The following MYO9B variants were observed in gnomAD, a reference collection of about 807,000 sequenced individuals.
MYO9B encodes unconventional myosin-IXb.
In MYO9B, 71 loss-of-function variants were observed where a neutral mutation model predicts 229.5. The ratio of observed to expected loss-of-function variants is 0.31; its 90% CI spans 0.26 to 0.38. The LOEUF (loss-of-function observed/expected upper bound fraction) is 0.38, where lower values mean the gene tolerates loss of function less well. MYO9B is among the 10% of genes least tolerant of loss of function. The pLI, the probability that MYO9B is intolerant of heterozygous loss-of-function variation, is 1.00. For missense variants in MYO9B, 2,255 were observed against 2,920.5 expected (o/e 0.77, Z 5.25); for synonymous variants, 1,185 against 1,235.8 (o/e 0.96, Z 0.86).
chr19:17,092,535 G>A (rs1250381487), intron 1 of MYO9B, among the ~76,000 whole-genome samples: 1 of 152,136 alleles, frequency 6.6e-6, no homozygotes, highest in Non-Finnish European at 1.5e-5. Context: ...AGACCAGCCT[G>A]GCCAACATGG....
intron 4 of MYO9B, among the ~76,000 whole-genome samples, chr19:17,153,367 A>G (rs2072501030): frequency 1.4e-5 from 2 of 147,400 alleles, no homozygotes; most frequent in Admixed American, 1.4e-4. Context: ...ACGCCCGGCT[A>G]GAGTCCTTGT....
rs746021380 is a variant in MYO9B at position 17,205,264 on chromosome 19, G to C, written c.4992G>C (p.Val1664=). The part of the protein sequence containing the change: ...WLMDKALLCS[V]CKMTCHKKCV... ...ACTCCCACCCTGTGGACCTCCTAGT[G>C]TGCAAGATGACCTGCCACAAGAAGT... Residue 1664 remains valine (V), a splice_region_variant and synonymous_variant, in exon 31 of 40, where the codon GTG becomes GTC. Transcript: ENST00000682292. 9 of 1,613,592 alleles carry C rather than the reference G, an allele frequency of 5.6e-6. No individual in the cohort carries two copies. Among genetic ancestry groups the C allele is most frequent in the Non-Finnish European group, 6.8e-6 (8 of 1,179,766 alleles).
At chr19:17,132,598 G>A (rs56251447) in intron 2 of MYO9B, among the ~76,000 whole-genome samples, 25,449 of 141,984 alleles carry the variant, frequency 0.18, 2,533 homozygotes, top group East Asian at 0.28. Context: ...GCGCAATCTC[G>A]GCTCACTGCA....
At chr19:17,087,745 T>G (rs113290114) in intron 1 of MYO9B, among the ~76,000 whole-genome samples, 17,801 of 151,936 alleles carry the variant, frequency 0.12, 1,228 homozygotes, top group Non-Finnish European at 0.13. Flanking sequence ...GCCTGACTAA[T>G]GTGGTGAAAC....
intron 4 of MYO9B, among the ~76,000 whole-genome samples, chr19:17,153,019 G>A (rs923277929): frequency 1.3e-5 from 2 of 152,206 alleles, no homozygotes. Context: ...GCACGTGCCT[G>A]TAGTCCCAAC....
At chr19:17,126,237 C>T (rs1366902471) in intron 2 of MYO9B, among the ~76,000 whole-genome samples, 1 of 152,230 alleles carries the variant, frequency 6.6e-6, no homozygotes, top group Non-Finnish European at 1.5e-5. Flanking sequence ...AGTCTCTTCT[C>T]ACCCAGCCCT....
intron 1 of MYO9B, among the ~76,000 whole-genome samples, chr19:17,082,735 A>G (rs2057544563): frequency 6.6e-6 from 1 of 152,054 alleles, no homozygotes; most frequent in Non-Finnish European, 1.5e-5. Flanking sequence ...AGGCGGAGAA[A>G]GTGTGATCGT....
chr19:17,175,923 C>T lies in MYO9B; in HGVS notation c.2219+182C>T, dbSNP rs375261132. Reference sequence around the variant, plus strand: ...TCTCGGCTCACCCCAACTTCCACCTCCCGGGTTCAAGCGATTCTCCTGCCT... The same window carrying T: ...TCTCGGCTCACCCCAACTTCCACCTTCCGGGTTCAAGCGATTCTCCTGCCT... On this transcript the variant is annotated intron_variant, in intron 14 of 39. Coordinates refer to ENST00000682292, the MANE Select transcript of MYO9B (RefSeq NM_004145.4). Among the ~76,000 whole-genome samples the T allele has an allele frequency of 7.9e-5, 12 of 151,900 alleles. No homozygotes were observed. In the East Asian group the frequency reaches 2.3e-3, roughly 29 times the overall value.
At position 17,162,975 on chromosome 19, in the gene MYO9B, C is replaced by G. The variant is rs768798853; in HGVS notation, c.1537-13C>G. 5 of 1,607,330 alleles carry G rather than the reference C, an allele frequency of 3.1e-6. No homozygotes were observed. In the Admixed American group the frequency reaches 8.5e-5, roughly 27 times the overall value. ...CACCTGCGGGCAGTGACCATTTTCT[C>G]TGTCTCTCCCAGTGCCTGTCCATTG... On this transcript the variant is annotated splice_polypyrimidine_tract_variant and intron_variant, in intron 9 of 39. Coordinates refer to ENST00000682292, the MANE Select transcript of MYO9B (RefSeq NM_004145.4).
chr19:17,153,384 T>TAA (rs79301576), intron 4 of MYO9B, among the ~76,000 whole-genome samples: 35,923 of 135,758 alleles, frequency 0.26, 4,856 homozygotes, highest in Middle Eastern at 0.35. Flanking sequence ...TTGTCTCTTT[T>TAA]AAAAAAAAAA....
Position 17,203,174 on chromosome 19 carries a change from G to A in MYO9B, c.4906G>A (p.Ala1636Thr), listed in dbSNP as rs774907813. ...CCAGGAGCACAACGGGCACGTGTTC[G>A]CCAGCTACCAGGTTAGCATCCCGCA... The part of the protein sequence containing the change: ...AVQEHNGHVF[A>T]SYQVSIPQSC... Residue 1636 changes from alanine (A) to threonine (T), a missense_variant, in exon 30 of 40, where the codon GCC becomes ACC. By Grantham distance (58) the Ala-to-Thr change is moderately conservative. Transcript: ENST00000682292. 13 of 1,576,688 alleles carry A rather than the reference G, an allele frequency of 8.2e-6. 1 individual carries two copies. Among genetic ancestry groups the A allele is most frequent in the South Asian group, 3.5e-5 (3 of 85,756 alleles).
At chr19:17,155,953 G>T (rs1371042644) in intron 6 of MYO9B, among the ~76,000 whole-genome samples, 2 of 151,700 alleles carry the variant, frequency 1.3e-5, no homozygotes, top group South Asian at 2.1e-4. Context: ...ACAGAAGGCA[G>T]AGGCTGCCGT....
At position 17,101,891 on chromosome 19, in the gene MYO9B, C is replaced by A; in HGVS notation, c.174C>A (p.Asp58Glu). 1 of 1,613,360 alleles carries A rather than the reference C, an allele frequency of 6.2e-7. No individual in the cohort carries two copies. Among genetic ancestry groups the A allele is most frequent in the Non-Finnish European group, 8.5e-7 (1 of 1,179,822 alleles). ...ACGCCATTGCCAGCCTGCGGCTGGA[C>A]GGCACCAAATGTTATGTGCTGGTGG... ...IKDAIASLRLDGTKCYVLVEV... is the reference protein window; with the variant it reads ...IKDAIASLRLEGTKCYVLVEV... The change falls in exon 2 of 40, where the codon GAC becomes GAA. Residue 58 changes from aspartate (D) to glutamate (E), a missense_variant. This residue lies in a region of MYO9B where 386 missense variants were observed against 515.2 expected (regional missense o/e 0.75). Transcript: ENST00000682292. This position sits in a 1 kb window ranked among gnomAD's most constrained non-coding sequence, Gnocchi z 4.7.
chr19:17,181,491 G>A (rs916011018), intron 15 of MYO9B, among the ~76,000 whole-genome samples: 1 of 152,226 alleles, frequency 6.6e-6, no homozygotes, highest in Non-Finnish European at 1.5e-5. Context: ...CCCAGAAGGT[G>A]CATAAACCGG....
intron 35 of MYO9B, chr19:17,207,630 C>T (rs1266441133): frequency 6.7e-6 from 1 of 150,190 alleles, no homozygotes; most frequent in Admixed American, 6.6e-5. Flanking sequence ...AATCCCAGCA[C>T]TTTGGGAGGG....
chr19:17,130,192 C>T (rs1472170523), intron 2 of MYO9B, among the ~76,000 whole-genome samples: 1 of 152,068 alleles, frequency 6.6e-6, no homozygotes, highest in Non-Finnish European at 1.5e-5. Context: ...AATTTTTGAC[C>T]AGGCACAGTG....
intron 3 of MYO9B, among the ~76,000 whole-genome samples, chr19:17,145,891 C>T (rs1419831413): frequency 1.3e-5 from 2 of 151,854 alleles, no homozygotes; most frequent in African/African-American, 2.4e-5. Flanking sequence ...GGTGGTCGTG[C>T]ATGGAAATAC....
intron 1 of MYO9B, among the ~76,000 whole-genome samples, chr19:17,083,461 C>T (rs2057553374): frequency 6.6e-6 from 1 of 152,166 alleles, no homozygotes; most frequent in Non-Finnish European, 1.5e-5. Flanking sequence ...CTCCACCCTT[C>T]AGATGCCAGT....
At chr19:17,080,299 C>T (rs1017460505) in intron 1 of MYO9B, among the ~76,000 whole-genome samples, 2 of 152,140 alleles carry the variant, frequency 1.3e-5, no homozygotes, top group East Asian at 3.9e-4. Context: ...GTGGCCAGAA[C>T]GACAGAAGTA....
Sources: allele counts gnomAD v4.1 joint callset (sites outside exome capture counted in the v4.1 genomes callset), GRCh38; gene constraint gnomAD v4.1.1; regional missense constraint gnomAD v4.1.1; non-coding constraint Gnocchi (gnomAD v3.1); transcripts MANE v1.5; gene names NCBI Gene and HGNC (gene_info 2026-07-23, HGNC 2026-07-21).